Variants in FAT3 observed in about 807,000 individuals in gnomAD.
FAT3 encodes the protein protocadherin Fat 3.
FAT3 carries 95 observed loss-of-function variants against 310.2 expected under a neutral mutation model. The observed-to-expected ratio is 0.31, with a 90% CI of 0.26 to 0.36. The LOEUF (loss-of-function observed/expected upper bound fraction) is 0.36, where lower values mean the gene tolerates loss of function less well. FAT3 is among the 10% of genes least tolerant of loss of function. The probability of loss-of-function intolerance (pLI) is 1.00; values close to 1 mark genes in which losing one functional copy is unlikely to be tolerated. For synonymous variants in FAT3, 2,314 were observed against 2,192.9 expected, an observed-to-expected ratio of 1.06 and a Z score of -1.54; for missense variants, 5,408 against 5,715.6, an observed-to-expected ratio of 0.95 and a Z score of 1.74.
At chr11:92,464,977 A>T (rs2135124285) in intron 2 of FAT3, among the ~76,000 whole-genome samples, 2 of 152,320 alleles carry the variant, frequency 1.3e-5, no homozygotes, top group South Asian at 4.1e-4. Flanking sequence ...ATTTTAATTT[A>T]CTATACATAA....
chr11:92,260,509 T>G (rs888867836), intron 1 of FAT3, among the ~76,000 whole-genome samples: 28 of 152,178 alleles, frequency 1.8e-4, no homozygotes, highest in African/African-American at 6.7e-4. Context: ...TTCTTTAAAA[T>G]CTTTATAAAC....
At chr11:92,677,984 C>T (rs903496342) in intron 3 of FAT3, among the ~76,000 whole-genome samples, 3 of 152,040 alleles carry the variant, frequency 2.0e-5, no homozygotes, top group African/African-American at 7.2e-5. Flanking sequence ...AAGGAGTGGT[C>T]CCAACCAGAC....
rs748600876 is a variant in FAT3 at position 92,800,381 on chromosome 11, T to A, written c.7368T>A (p.His2456Gln). The A allele has an allele frequency of 3.7e-6, 6 of 1,613,964 alleles. No homozygotes were observed. In the Admixed American group the frequency reaches 1.0e-4, roughly 27 times the overall value. ...SKSGVITLSN[H>Q]RKQRMEPLYS... Reference sequence around the variant, plus strand: ...GTGGAGTTATCACATTGTCCAACCATCGGAAGCAGCGGATGGAGCCTCTGT... The same window carrying A: ...GTGGAGTTATCACATTGTCCAACCAACGGAAGCAGCGGATGGAGCCTCTGT... The change falls in exon 10 of 28, where the codon CAT becomes CAA. Residue 2456 changes from histidine (H) to glutamine (Q), a missense_variant. His to Gln is a conservative substitution (Grantham distance 24, BLOSUM62 0). Transcript: ENST00000525166.
chr11:92,668,897 G>A (rs1403758673), intron 3 of FAT3, among the ~76,000 whole-genome samples: 1 of 152,186 alleles, frequency 6.6e-6, no homozygotes, highest in East Asian at 1.9e-4. Context: ...CAGCATTTAA[G>A]TTCCCCAACA....
At chr11:92,724,648 G>A (rs1157020800) in intron 4 of FAT3, among the ~76,000 whole-genome samples, 2 of 152,140 alleles carry the variant, frequency 1.3e-5, no homozygotes, top group Non-Finnish European at 2.9e-5. Flanking sequence ...GATGATTTGG[G>A]TATGTTAAGT....
At chr11:92,359,351 T>C (rs866921215) in intron 2 of FAT3, among the ~76,000 whole-genome samples, 2 of 152,240 alleles carry the variant, frequency 1.3e-5, no homozygotes, top group African/African-American at 4.8e-5. Context: ...TGGTGATATT[T>C]TTCTGAATGC....
intron 1 of FAT3, among the ~76,000 whole-genome samples, chr11:92,269,403 TA>T (rs1403571308): frequency 1.1e-4 from 17 of 152,278 alleles, no homozygotes; most frequent in Middle Eastern, 3.4e-3. Context: ...ACAAAGTATT[TA>T]GATGAAAGTG....
chr11:92,770,438 G>A lies in FAT3; in HGVS notation c.4196-3603G>A, dbSNP rs2136107735. On this transcript the variant is annotated intron_variant, in intron 6 of 27. Coordinates refer to ENST00000525166, the MANE Select transcript of FAT3 (RefSeq NM_001367949.2). ...GCTTTCATTTCAAGGCAGAAAATTAGGGGAAAATGATAATTGGTGTTTAGC... is the reference window on the plus strand; with the variant it reads ...GCTTTCATTTCAAGGCAGAAAATTAAGGGAAAATGATAATTGGTGTTTAGC... Among the ~76,000 whole-genome samples the A allele has an allele frequency of 6.6e-5, 10 of 152,194 alleles. 1 individual carries two copies. The South Asian group carries it at 2.1e-3, about 32-fold the overall frequency.
chr11:92,853,286 G>C (rs1231217895), intron 19 of FAT3, among the ~76,000 whole-genome samples: 4 of 152,244 alleles, frequency 2.6e-5, no homozygotes, highest in African/African-American at 9.6e-5. Flanking sequence ...TGAGGCTGCA[G>C]CTGGACCAGA....
intron 10 of FAT3, among the ~76,000 whole-genome samples, chr11:92,804,282 T>C (rs1947442717): frequency 6.6e-6 from 1 of 152,024 alleles, no homozygotes; most frequent in African/African-American, 2.4e-5. Context: ...TCATCAAACC[T>C]GACTCCTGAC....
At position 92,891,323 on chromosome 11, in the gene FAT3, G is replaced by T; in HGVS notation, c.*210G>T. The T allele has an allele frequency of 1.5e-6, 1 of 673,814 alleles. No individual in the cohort carries two copies. Among genetic ancestry groups the T allele is most frequent in the Non-Finnish European group, 2.4e-6 (1 of 411,076 alleles). 41.7% of individuals were successfully genotyped at this position (673,814 alleles called of 1,614,324 possible). On this transcript the variant is annotated 3_prime_UTR_variant, in exon 28 of 28. Coordinates refer to ENST00000525166, the MANE Select transcript of FAT3 (RefSeq NM_001367949.2). The stretch of plus-strand genomic sequence containing the variant: ...AAGGCTCAGAAATTGTTTTTGAGAG[G>T]TGACTGGTAATCCTTGATGTAGGTA...
intron 2 of FAT3, among the ~76,000 whole-genome samples, chr11:92,517,901 CAA>C (rs1328613366): frequency 6.6e-6 from 1 of 152,082 alleles, no homozygotes; most frequent in African/African-American, 2.4e-5. Context: ...TAGAGAAATG[CAA>C]ATTAAAACCA....
In FAT3 at chr11:92,276,181, A is replaced by C. The variant is rs535964935; in HGVS notation, c.-18+51007A>C. On this transcript the variant is annotated intron_variant, in intron 1 of 27. Transcript: ENST00000525166. The stretch of plus-strand genomic sequence containing the variant: ...TTTACAAAACAATGGCTAATACATT[A>C]ACCCTTTTTTATTTGTATTAATATT... Among the ~76,000 whole-genome samples, 4 of 152,326 alleles carry C rather than the reference A, an allele frequency of 2.6e-5. No homozygotes were observed. The South Asian group carries it at 8.3e-4, about 32-fold the overall frequency.
intron 2 of FAT3, among the ~76,000 whole-genome samples, chr11:92,486,130 G>GTTTTTTTTTTTTTTTTTTTTTTTTTTTTT (rs71064714): frequency 5.4e-5 from 2 of 37,142 alleles, no homozygotes; most frequent in Admixed American, 1.4e-3. Context: ...GGCTGCTGGG[G>GTTTTTTTTTTTTTTTTTTTTTTTTTTTTT]TTTTTTTTTT....
At chr11:92,730,134 G>T (rs1490847467) in intron 4 of FAT3, among the ~76,000 whole-genome samples, 1 of 152,118 alleles carries the variant, frequency 6.6e-6, no homozygotes, top group East Asian at 1.9e-4. Flanking sequence ...TTGAGGCCTA[G>T]AGACCAGCCT....
intron 2 of FAT3, among the ~76,000 whole-genome samples, chr11:92,405,113 A>G (rs1487087648): frequency 2.6e-5 from 4 of 151,974 alleles, no homozygotes; most frequent in African/African-American, 9.7e-5. Flanking sequence ...TTTTTTTCTG[A>G]ATAACACTGA....
intron 2 of FAT3, among the ~76,000 whole-genome samples, chr11:92,500,719 T>C (rs528641724): frequency 3.3e-5 from 5 of 152,172 alleles, no homozygotes; most frequent in Admixed American, 2.0e-4. Flanking sequence ...CAGCAGAATG[T>C]ACAATCCTAT....
chr11:92,790,889 C>T (rs1473936977), intron 8 of FAT3, among the ~76,000 whole-genome samples: 2 of 152,302 alleles, frequency 1.3e-5, no homozygotes, highest in East Asian at 1.9e-4. Flanking sequence ...TCTCTTCAAC[C>T]ACCCAAGAAT....
intron 3 of FAT3, among the ~76,000 whole-genome samples, chr11:92,566,396 C>A (rs989150586): frequency 6.6e-6 from 1 of 151,992 alleles, no homozygotes; most frequent in African/African-American, 2.4e-5. Context: ...AGGATACAAA[C>A]AAATGGAAGA....
Sources: gnomAD v4.1 joint callset for allele counts (sites outside exome capture counted in the v4.1 genomes callset) on GRCh38, gnomAD v4.1.1 for gene constraint, MANE v1.5 for transcripts, NCBI Gene and HGNC (gene_info 2026-07-23, HGNC 2026-07-21) for gene names.